Variants in CNTNAP2 observed in about 807,000 individuals in gnomAD.
The protein encoded by CNTNAP2 is contactin-associated protein-like 2.
Under a neutral mutation model 155.2 loss-of-function variants are expected in CNTNAP2, and 98 were observed. The ratio of observed to expected loss-of-function variants is 0.63; its 90% CI spans 0.54 to 0.75. CNTNAP2 has a LOEUF of 0.75. Ranked by LOEUF, CNTNAP2 falls within the 30% of genes least tolerant of loss-of-function variation. The pLI is 0.00. For synonymous variants in CNTNAP2, 651 were observed against 631.2 expected (o/e 1.03, Z -0.47); for missense variants, 1,727 against 1,688.1 (o/e 1.02, Z -0.40).
chr7:146,486,788 G>C (rs1797065005), intron 1 of CNTNAP2, among the ~76,000 whole-genome samples: 1 of 152,140 alleles, frequency 6.6e-6, no homozygotes, highest in Non-Finnish European at 1.5e-5. Context: ...ATGGTACTTT[G>C]CCTCAAGCCT....
chr7:146,750,186 C>G (rs149112227), intron 1 of CNTNAP2, among the ~76,000 whole-genome samples: 1 of 152,208 alleles, frequency 6.6e-6, no homozygotes, highest in African/African-American at 2.4e-5. Flanking sequence ...CTTACCACAT[C>G]CTGATGTTCC....
chr7:146,556,819 A>C (rs1798205774), intron 1 of CNTNAP2, among the ~76,000 whole-genome samples: 1 of 152,048 alleles, frequency 6.6e-6, no homozygotes, highest in Non-Finnish European at 1.5e-5. Flanking sequence ...GTGAGCTGGC[A>C]CTATTTAGTA....
At chr7:148,407,390 C>CCTAA (rs1799726558) in intron 22 of CNTNAP2, among the ~76,000 whole-genome samples, 3 of 152,206 alleles carry the variant, frequency 2.0e-5, no homozygotes, top group Admixed American at 2.0e-4. Context: ...CATTTCCCTG[C>CCTAA]CTAGCTAACT....
intron 3 of CNTNAP2, among the ~76,000 whole-genome samples, chr7:146,981,597 C>A (rs1229797615): frequency 1.3e-5 from 2 of 151,920 alleles, no homozygotes; most frequent in Non-Finnish European, 2.9e-5. Context: ...TTTTTTTAAT[C>A]TCAAAGTAAT....
At chr7:147,246,041 G>A (rs867034966) in intron 8 of CNTNAP2, among the ~76,000 whole-genome samples, 3 of 101,020 alleles carry the variant, frequency 3.0e-5, no homozygotes, top group African/African-American at 9.5e-5. Flanking sequence ...CACATATAAC[G>A]TGCATATATA....
At chr7:148,403,157 G>A (rs545593716) in intron 22 of CNTNAP2, among the ~76,000 whole-genome samples, 2 of 135,242 alleles carry the variant, frequency 1.5e-5, no homozygotes, top group East Asian at 4.3e-4. Flanking sequence ...TACTAAGTAC[G>A]TTCCTGGGAG....
chr7:146,190,259 C>G (rs547309039), intron 1 of CNTNAP2, among the ~76,000 whole-genome samples: 3 of 152,188 alleles, frequency 2.0e-5, no homozygotes, highest in African/African-American at 7.2e-5. Context: ...AGGAGATAAG[C>G]AGTGACCTGC....
At chr7:147,034,773 G>A (rs181583749) in intron 3 of CNTNAP2, among the ~76,000 whole-genome samples, 3 of 152,194 alleles carry the variant, frequency 2.0e-5, no homozygotes, top group East Asian at 3.9e-4. Context: ...CTCCTCCAGC[G>A]TCCCTTGGCT....
In CNTNAP2 at chr7:147,102,282, GA is replaced by G. The variant is rs555981471; in HGVS notation, c.551-5850del. Among the ~76,000 whole-genome samples, 361 of 110,558 alleles carry G rather than the reference GA, an allele frequency of 3.3e-3. 2 individuals are homozygous for G. Among genetic ancestry groups the G allele is most frequent in the Non-Finnish European group, 4.9e-3 (267 of 54,746 alleles). The allele number at this position is 110,558 out of a possible 152,430, so 72.5% of individuals were successfully genotyped here. A position where few individuals can be genotyped will look rare whatever the true frequency, so the allele number is the denominator to read the frequency against. ...GTCGCTAAATGTAGGTAGGCAAAAAGAAAAAAAAAAAAAAAGAAGCTCAAGA... is the reference window on the plus strand; with the variant it reads ...GTCGCTAAATGTAGGTAGGCAAAAAGAAAAAAAAAAAAAAGAAGCTCAAGA... On this transcript the variant is annotated intron_variant, in intron 4 of 23. Coordinates refer to ENST00000361727, the MANE Select transcript of CNTNAP2 (RefSeq NM_014141.6).
intron 2 of CNTNAP2, among the ~76,000 whole-genome samples, chr7:146,794,850 G>T (rs1053700420): frequency 6.6e-6 from 1 of 152,114 alleles, no homozygotes; most frequent in Non-Finnish European, 1.5e-5. Context: ...GCAAAAATAG[G>T]ATTTGATCTT....
intron 1 of CNTNAP2, among the ~76,000 whole-genome samples, chr7:146,488,074 T>A (rs183977704): frequency 1.3e-5 from 2 of 152,320 alleles, no homozygotes; most frequent in East Asian, 3.9e-4. Context: ...TTGTTTCAAA[T>A]TTTTGAATCC....
intron 1 of CNTNAP2, among the ~76,000 whole-genome samples, chr7:146,687,874 CAT>C (rs1448393871): frequency 6.6e-6 from 1 of 152,144 alleles, no homozygotes; most frequent in Non-Finnish European, 1.5e-5. Flanking sequence ...TGATGCTTTC[CAT>C]GGGAAGAGCA....
At chr7:147,614,275 G>A (rs1192837599) in intron 12 of CNTNAP2, among the ~76,000 whole-genome samples, 3 of 152,026 alleles carry the variant, frequency 2.0e-5, no homozygotes, top group African/African-American at 2.4e-5. Flanking sequence ...TTGGGATTAT[G>A]ATTGAAAATG....
At chr7:146,545,271 G>T (rs988483928) in intron 1 of CNTNAP2, among the ~76,000 whole-genome samples, 1 of 151,886 alleles carries the variant, frequency 6.6e-6, no homozygotes, top group Non-Finnish European at 1.5e-5. Flanking sequence ...TGACAGAATT[G>T]TAATATCAGC....
intron 13 of CNTNAP2, among the ~76,000 whole-genome samples, chr7:147,727,886 C>T (rs1468791095): frequency 1.3e-5 from 2 of 151,594 alleles, no homozygotes; most frequent in Non-Finnish European, 2.9e-5. Context: ...ATGACATTTT[C>T]TAATATTGGT....
At chr7:147,603,110 A>C (rs1268106126) in intron 12 of CNTNAP2, among the ~76,000 whole-genome samples, 2 of 151,204 alleles carry the variant, frequency 1.3e-5, no homozygotes, top group Non-Finnish European at 3.0e-5. Flanking sequence ...CAACAGTGTA[A>C]AAGTGTTTCT....
At chr7:147,067,396 G>C (rs1369908891) in intron 4 of CNTNAP2, among the ~76,000 whole-genome samples, 1 of 152,004 alleles carries the variant, frequency 6.6e-6, no homozygotes, top group South Asian at 2.1e-4. Context: ...GTTTTATTGG[G>C]GGTCAGATTT....
At chr7:148,251,632 C>T (rs970416457) in intron 20 of CNTNAP2, among the ~76,000 whole-genome samples, 1 of 152,182 alleles carries the variant, frequency 6.6e-6, no homozygotes, top group Non-Finnish European at 1.5e-5. Flanking sequence ...CATAAAAACC[C>T]TCCTCCTTAC....
intron 2 of CNTNAP2, among the ~76,000 whole-genome samples, chr7:146,819,565 C>T (rs1803236873): frequency 6.6e-6 from 1 of 152,042 alleles, no homozygotes; most frequent in Non-Finnish European, 1.5e-5. Flanking sequence ...TAGATCATCC[C>T]ATCTAATCTC....
Sources: gnomAD v4.1 joint callset for allele counts (sites outside exome capture counted in the v4.1 genomes callset) on GRCh38, gnomAD v4.1.1 for gene constraint, MANE v1.5 for transcripts, NCBI Gene and HGNC (gene_info 2026-07-23, HGNC 2026-07-21) for gene names.